The following GOLGA4 variants were observed in gnomAD, a reference collection of about 807,000 sequenced individuals.
GOLGA4 encodes the protein golgin subfamily A member 4.
GOLGA4 carries 169 observed loss-of-function variants against 265.9 expected under a neutral mutation model. The ratio of observed to expected loss-of-function variants is 0.64; its 90% CI spans 0.56 to 0.72. The LOEUF (loss-of-function observed/expected upper bound fraction) is 0.72, where lower values mean the gene tolerates loss of function less well. Among genes scored for constraint, GOLGA4 ranks in the 30% least tolerant of loss-of-function variants. GOLGA4 has a pLI of 0.00. For missense variants in GOLGA4, 2,482 were observed against 2,483.4 expected, an observed-to-expected ratio of 1.00 and a Z score of 0.01; for synonymous variants, 923 against 855.8, an observed-to-expected ratio of 1.08 and a Z score of -1.37.
rs936231535 is a variant in GOLGA4 at position 37,325,778 on chromosome 3, CAGTT to C, written c.3895_3898del (p.Leu1299LysfsTer10). The C allele has an allele frequency of 1.1e-5, 18 of 1,612,948 alleles. No homozygotes were observed. Among genetic ancestry groups the C allele is most frequent in the Non-Finnish European group, 1.4e-5 (17 of 1,179,402 alleles). ...TATTTCTTTTCAACAGGCTACTCAT[CAGTT>C]AGAAGAAAAAGAAAATCAAATTAAG... On this transcript the variant is annotated frameshift_variant, in exon 14 of 24. Coordinates refer to ENST00000361924, the MANE Select transcript of GOLGA4 (RefSeq NM_002078.5). LOFTEE classifies it high-confidence loss of function.
Position 37,324,494 on chromosome 3 carries a change from C to T in GOLGA4, c.2608C>T (p.Leu870Phe), listed in dbSNP as rs770414966. 3.1e-6 allele frequency: 5 copies of T among 1,613,814 alleles called. No homozygotes were observed. The South Asian group carries it at 4.4e-5, about 14-fold the overall frequency. The change falls in exon 14 of 24, where the codon CTT becomes TTT. Residue 870 changes from leucine (L) to phenylalanine (F), a missense_variant. By Grantham distance (22) the Leu-to-Phe change is conservative (BLOSUM62 0). Transcript: ENST00000361924. ...CCAGGTGCAGGACTTAATGCAGCAA[C>T]TTGAAAAACAAAATAGTGAAATGGA... The part of the protein sequence containing the change: ...KIQVQDLMQQ[L>F]EKQNSEMEQK...
intron 7 of GOLGA4, among the ~76,000 whole-genome samples, chr3:37,297,518 A>G (rs897576033): frequency 6.6e-6 from 1 of 152,206 alleles, no homozygotes; most frequent in Admixed American, 6.5e-5. Flanking sequence ...ATGATTATCA[A>G]ACTGTCATTT....
intron 10 of GOLGA4, among the ~76,000 whole-genome samples, chr3:37,315,117 A>G (rs566799569): frequency 1.3e-5 from 2 of 152,340 alleles, no homozygotes; most frequent in African/African-American, 4.8e-5. Flanking sequence ...TGTACTATCC[A>G]TAAGGAAACT....
intron 2 of GOLGA4, 30 bp from the exon 3 acceptor site, chr3:37,281,928 T>A: frequency 6.5e-7 from 1 of 1,532,088 alleles, no homozygotes; most frequent in Non-Finnish European, 9.0e-7. Context: ...TGTATTTTAA[T>A]CCACACATTC....
chr3:37,280,466 T>A (rs2096831811), intron 2 of GOLGA4, among the ~76,000 whole-genome samples: 1 of 152,190 alleles, frequency 6.6e-6, no homozygotes, highest in Admixed American at 6.5e-5. Flanking sequence ...AATTTCGTGT[T>A]TAGACTTGGG....
Position 37,324,743 on chromosome 3 carries a change from GAAAAAAAGA to G in GOLGA4, c.2858_2866del (p.Glu953_Met956delinsVal). ...ATATGAAACCAAATTTAAAAACCAAGAAAAAAAGATGGAAAAAGTTAAGCAGAAAGCAAA... is the reference window on the plus strand; with the variant it reads ...ATATGAAACCAAATTTAAAAACCAAGTGGAAAAAGTTAAGCAGAAAGCAAA... On this transcript the variant is annotated inframe_deletion, in exon 14 of 24. Transcript: ENST00000361924. 1 of 1,581,378 alleles carries G rather than the reference GAAAAAAAGA, an allele frequency of 6.3e-7. No homozygotes were observed. Among genetic ancestry groups the G allele is most frequent in the Non-Finnish European group, 8.5e-7 (1 of 1,170,620 alleles).
intron 23 of GOLGA4, 124 bp downstream of exon 23, chr3:37,361,429 ATAAG>A (rs1361116160): frequency 5.0e-6 from 3 of 596,594 alleles, no homozygotes; most frequent in Non-Finnish European, 8.9e-6. Flanking sequence ...ATGGGTTAAT[ATAAG>A]TATTTTCTGT....
At chr3:37,341,117 A>G (rs2097032421) in intron 20 of GOLGA4, among the ~76,000 whole-genome samples, 1 of 152,164 alleles carries the variant, frequency 6.6e-6, no homozygotes, top group Non-Finnish European at 1.5e-5. Flanking sequence ...CAGTGAGCCA[A>G]GATCATGCCA....
chr3:37,353,838 C>T (rs1175865760), intron 21 of GOLGA4, among the ~76,000 whole-genome samples: 1 of 152,008 alleles, frequency 6.6e-6, no homozygotes. Context: ...AGCGATCCTC[C>T]CACCTCAGTC....
intron 4 of GOLGA4, among the ~76,000 whole-genome samples, chr3:37,288,869 T>C (rs2096857523): frequency 1.3e-5 from 2 of 152,256 alleles, no homozygotes; most frequent in East Asian, 3.8e-4. Flanking sequence ...CCACACATTA[T>C]AAGTTTCAAT....
At chr3:37,316,666 T>C (rs1166970643) in intron 11 of GOLGA4, among the ~76,000 whole-genome samples, 1 of 152,168 alleles carries the variant, frequency 6.6e-6, no homozygotes, top group African/African-American at 2.4e-5. Context: ...GGTGATAATA[T>C]AGACATATGG....
chr3:37,354,656 T>C (rs935877779), intron 21 of GOLGA4, among the ~76,000 whole-genome samples: 2 of 152,096 alleles, frequency 1.3e-5, no homozygotes, highest in African/African-American at 4.8e-5. Flanking sequence ...AGCATGTTCA[T>C]GTTCATGCAG....
At chr3:37,290,930 C>G (rs1202915606) in intron 5 of GOLGA4, among the ~76,000 whole-genome samples, 1 of 152,054 alleles carries the variant, frequency 6.6e-6, no homozygotes, top group Non-Finnish European at 1.5e-5. Context: ...GCATTTCTAC[C>G]CAAAAGATTT....
At chr3:37,293,284 C>T (rs1484283183) in intron 5 of GOLGA4, among the ~76,000 whole-genome samples, 2 of 151,958 alleles carry the variant, frequency 1.3e-5, no homozygotes, top group South Asian at 2.1e-4. Context: ...TTCCTTAAAA[C>T]ATTGTGAGAT....
At chr3:37,276,404 A>G (rs555441783) in intron 2 of GOLGA4, 18 of 1,608,428 alleles carry the variant, frequency 1.1e-5, no homozygotes, top group Non-Finnish European at 1.5e-5. Flanking sequence ...AGAGATGTGG[A>G]AAAACTTGAC....
intron 2 of GOLGA4, among the ~76,000 whole-genome samples, chr3:37,270,893 G>A (rs747739363): frequency 1.3e-5 from 2 of 151,554 alleles, no homozygotes; most frequent in Non-Finnish European, 2.9e-5. Context: ...TATATAACTC[G>A]TGACAATGTA....
At chr3:37,359,037 C>T (rs905962550) in intron 22 of GOLGA4, among the ~76,000 whole-genome samples, 2 of 152,154 alleles carry the variant, frequency 1.3e-5, no homozygotes, top group East Asian at 1.9e-4. Flanking sequence ...AAAGAATTGC[C>T]TTCTAAACAG....
intron 10 of GOLGA4, among the ~76,000 whole-genome samples, chr3:37,311,454 A>G (rs1488463040): frequency 4.6e-5 from 7 of 152,196 alleles, no homozygotes; most frequent in African/African-American, 1.7e-4. Flanking sequence ...AGTAAGAAAC[A>G]TTATTGCCCA....
chr3:37,273,625 G>A lies in GOLGA4; in HGVS notation c.163-8333G>A, dbSNP rs1485814517. On this transcript the variant is annotated intron_variant, in intron 2 of 23. Coordinates refer to ENST00000361924, the MANE Select transcript of GOLGA4 (RefSeq NM_002078.5). ...AGGTCTGTTACTAATTGTTATTTTA[G>A]AAAATAACAAGTCATTTCAGAGTGT... 12 of 1,212,520 alleles carry A rather than the reference G, an allele frequency of 9.9e-6. 1 individual carries two copies. In the East Asian group the frequency reaches 2.5e-4, roughly 26 times the overall value. The allele number at this position is 1,212,520 out of a possible 1,614,324, so 75.1% of individuals were successfully genotyped here.
Sources: gnomAD v4.1 joint callset for allele counts (sites outside exome capture counted in the v4.1 genomes callset) on GRCh38, gnomAD v4.1.1 for gene constraint, MANE v1.5 for transcripts, NCBI Gene and HGNC (gene_info 2026-07-23, HGNC 2026-07-21) for gene names.